Variants in SPDYE3 observed in about 807,000 individuals in gnomAD.
The protein encoded by SPDYE3 is speedy/RINGO cell cycle regulator family member E3.
A neutral mutation model predicts 55.0 loss-of-function variants in SPDYE3; 15 were observed. The ratio of observed to expected loss-of-function variants is 0.27; its 90% CI spans 0.18 to 0.42. The LOEUF is 0.42. Ranked by LOEUF, SPDYE3 falls within the 10% of genes least tolerant of loss-of-function variation. The probability of loss-of-function intolerance (pLI) is 1.00; values close to 1 mark genes in which losing one functional copy is unlikely to be tolerated. For synonymous variants in SPDYE3, 89 were observed against 229.9 expected, an observed-to-expected ratio of 0.39 and a Z score of 5.55; for missense variants, 236 against 576.7, an observed-to-expected ratio of 0.41 and a Z score of 6.05.
rs764823323 is a variant in SPDYE3 at position 100,307,958 on chromosome 7, G to T, written c.73G>T (p.Glu25Ter). The T allele has an allele frequency of 6.4e-7, 1 of 1,566,764 alleles. No homozygotes were observed. The highest frequency in any genetic ancestry group is 1.2e-5 in the South Asian group (1 of 86,702). The change falls in exon 1 of 11, where the codon GAG (glutamate) becomes TAG (stop). Residue 25 changes from glutamate (E) to a stop codon, truncating the protein, a stop_gained. Coordinates refer to ENST00000332397, the MANE Select transcript of SPDYE3 (RefSeq NM_001004351.5). LOFTEE classifies it high-confidence loss of function. The stretch of plus-strand genomic sequence containing the variant: ...GAGCACCTCAGGGTACCCCCTCCAG[G>T]AGGTGGTGGATGATGAAGTGTCGGG... ...QRSTSGYPLQ[E>*]VVDDEVSGPS... is the part of the protein sequence containing the mutation.
chr7:100,312,466 C>T (rs1805985346), intron 4 of SPDYE3, among the ~76,000 whole-genome samples: 2 of 122,052 alleles, frequency 1.6e-5, no homozygotes, highest in Admixed American at 8.2e-5. Flanking sequence ...TACTGCACTC[C>T]AGTCTGGGTG....
In SPDYE3 at chr7:100,307,876, G is replaced by A; in HGVS notation, c.-10G>A. ...GCTTCGGTGAGATTGGACAGATTTTGGGAAAGATCATGACGAGCCATCAAC... is the reference window on the plus strand; with the variant it reads ...GCTTCGGTGAGATTGGACAGATTTTAGGAAAGATCATGACGAGCCATCAAC... On this transcript the variant is annotated 5_prime_UTR_variant, in exon 1 of 11. Transcript: ENST00000332397. 3.2e-6 allele frequency: 5 copies of A among 1,575,738 alleles called. No individual in the cohort carries two copies. The highest frequency in any genetic ancestry group is 1.3e-5 in the African/African-American group (1 of 74,520).
In SPDYE3 at chr7:100,321,542, T is replaced by C. The variant is rs568011678; in HGVS notation, c.*697T>C. The C allele has an allele frequency of 6.2e-6, 1 of 160,356 alleles. No homozygotes were observed. Among genetic ancestry groups the C allele is most frequent in the East Asian group, 1.9e-4 (1 of 5,264 alleles). The allele number at this position is 160,356 out of a possible 1,614,324, so 9.9% of individuals were successfully genotyped here. ...AAATCTTTTATTATCTTTAAATTTT[T>C]CTCTGTATTATTATATGTGCTCCTG... On this transcript the variant is annotated 3_prime_UTR_variant, in exon 11 of 11. Transcript: ENST00000332397.
At chr7:100,317,940 CACTCCAGCCTGGGCGA>C (rs1034845628) in intron 8 of SPDYE3, among the ~76,000 whole-genome samples, 3 of 142,038 alleles carry the variant, frequency 2.1e-5, no homozygotes, top group African/African-American at 8.0e-5. Flanking sequence ...TGCACCACTG[CACTCCAGCCTGGGCGA>C]CAGAATGAGA....
chr7:100,316,075 G>A (rs1023140967), intron 7 of SPDYE3, among the ~76,000 whole-genome samples: 6 of 152,044 alleles, frequency 3.9e-5, no homozygotes, highest in African/African-American at 9.7e-5. Flanking sequence ...GGGTTCAAGC[G>A]ATTCTCCTGC....
chr7:100,317,214 G>A (rs1374464433), intron 8 of SPDYE3, 59 bp downstream of exon 8: 12 of 1,572,636 alleles, frequency 7.6e-6, no homozygotes, highest in Non-Finnish European at 1.0e-5. Flanking sequence ...AGCGGGGGAA[G>A]TGGGATTCCA....
chr7:100,308,667 C>T (rs1247681740), intron 1 of SPDYE3, among the ~76,000 whole-genome samples: 1 of 151,456 alleles, frequency 6.6e-6, no homozygotes, highest in Non-Finnish European at 1.5e-5. Flanking sequence ...TGAGATTGTA[C>T]CACTACACTC....
In SPDYE3 at chr7:100,321,287, T is replaced by C. The variant is rs1421456258; in HGVS notation, c.*442T>C. The C allele has an allele frequency of 5.6e-6, 2 of 354,864 alleles. No individual in the cohort carries two copies. The highest frequency in any genetic ancestry group is 7.7e-5 in the Admixed American group (2 of 25,982). The allele number at this position is 354,864 out of a possible 1,614,324, so 22.0% of individuals were successfully genotyped here. ...TTGGCACAGAATTCTTTGTGAAATA[T>C]GAGTGCCACAGACTGTAACAGATAG... On this transcript the variant is annotated 3_prime_UTR_variant, in exon 11 of 11. Transcript: ENST00000332397.
Position 100,321,747 on chromosome 7 carries a change from A to C in SPDYE3, c.*902A>C, listed in dbSNP as rs1464956837. 1 of 150,230 alleles carries C rather than the reference A, an allele frequency of 6.7e-6. No homozygotes were observed. The highest frequency in any genetic ancestry group is 1.5e-5 in the Non-Finnish European group (1 of 67,606). The allele number at this position is 150,230 out of a possible 1,614,324, so 9.3% of individuals were successfully genotyped here. On this transcript the variant is annotated 3_prime_UTR_variant, in exon 11 of 11. Coordinates refer to ENST00000332397, the MANE Select transcript of SPDYE3 (RefSeq NM_001004351.5). ...TTAGATATATATACTAACATGTCTAATATATACTATCTATTTTATTGATTT... is the reference window on the plus strand; with the variant it reads ...TTAGATATATATACTAACATGTCTACTATATACTATCTATTTTATTGATTT...
chr7:100,317,301 T>A, intron 8 of SPDYE3, 146 bp downstream of exon 8: 5 of 1,506,306 alleles, frequency 3.3e-6, no homozygotes, highest in Non-Finnish European at 4.6e-6. Context: ...TATCTTAGAC[T>A]GTTGTCTCTA....
intron 1 of SPDYE3, 29 bp downstream of exon 1, chr7:100,308,020 C>A: frequency 6.5e-7 from 1 of 1,530,762 alleles, no homozygotes; most frequent in Non-Finnish European, 8.7e-7. Flanking sequence ...GAAGAGGTGG[C>A]ATAGGATTGA....
chr7:100,320,498 G>A (rs997859947), intron 10 of SPDYE3: 48 of 974,976 alleles, frequency 4.9e-5, no homozygotes, highest in Middle Eastern at 4.6e-4. Context: ...TTCTGGACTC[G>A]TGGTTTGTGA....
intron 1 of SPDYE3, among the ~76,000 whole-genome samples, chr7:100,308,685 G>T (rs1253502539): frequency 6.6e-6 from 1 of 151,624 alleles, no homozygotes; most frequent in Non-Finnish European, 1.5e-5. Context: ...CTCCAGCCTG[G>T]GTGACAAAGC....
intron 6 of SPDYE3, among the ~76,000 whole-genome samples, chr7:100,315,103 G>A (rs1380070553): frequency 6.6e-6 from 1 of 151,180 alleles, no homozygotes; most frequent in Non-Finnish European, 1.5e-5. Context: ...GGGTGACAGA[G>A]CAAAACTCTG....
Position 100,307,756 on chromosome 7 carries a change from T to G in SPDYE3, c.-130T>G. 1 of 1,414,296 alleles carries G rather than the reference T, an allele frequency of 7.1e-7. No homozygotes were observed. The highest frequency in any genetic ancestry group is 1.4e-5 in the African/African-American group (1 of 69,792). The allele number at this position is 1,414,296 out of a possible 1,614,324, so 87.6% of individuals were successfully genotyped here. A position where few individuals can be genotyped will look rare whatever the true frequency, so the allele number is the denominator to read the frequency against. On this transcript the variant is annotated 5_prime_UTR_variant, in exon 1 of 11. Coordinates refer to ENST00000332397, the MANE Select transcript of SPDYE3 (RefSeq NM_001004351.5). ...CAACAGTAACTTCTCAGAGCTGTTCTCCACTCCTGACTTCTCCCAGCCTCG... is the reference window on the plus strand; with the variant it reads ...CAACAGTAACTTCTCAGAGCTGTTCGCCACTCCTGACTTCTCCCAGCCTCG...
In SPDYE3 at chr7:100,315,863, A is replaced by G; in HGVS notation, c.1260+20A>G. On this transcript the variant is annotated intron_variant, in intron 7 of 10. Coordinates refer to ENST00000332397, the MANE Select transcript of SPDYE3 (RefSeq NM_001004351.5). ...GACAAGGTAAGGTTGTTCTCTATGT[A>G]ACTGTGTTCCTGTTCTAACGCACGG... 2 of 1,599,688 alleles carry G rather than the reference A, an allele frequency of 1.3e-6. No homozygotes were observed. The highest frequency in any genetic ancestry group is 1.7e-6 in the Non-Finnish European group (2 of 1,179,676).
chr7:100,316,676 C>T (rs1395677601), intron 7 of SPDYE3, among the ~76,000 whole-genome samples: 1 of 152,156 alleles, frequency 6.6e-6, no homozygotes, highest in East Asian at 1.9e-4. Context: ...CTGCCTCTCC[C>T]ATGGGTCCTT....
chr7:100,312,489 G>A lies in SPDYE3; in HGVS notation c.763+521G>A, dbSNP rs1334258233. Among the ~76,000 whole-genome samples, 2 of 108,634 alleles carry A rather than the reference G, an allele frequency of 1.8e-5. 1 individual carries two copies. Among genetic ancestry groups the A allele is most frequent in the Non-Finnish European group, 3.8e-5 (2 of 52,398 alleles). 71.3% of individuals were successfully genotyped at this position (108,634 alleles called of 152,430 possible). A position where few individuals can be genotyped will look rare whatever the true frequency, so the allele number is the denominator to read the frequency against. Reference sequence around the variant, plus strand: ...TCCAGTCTGGGTGAGAGAGTGAGACGCTGTCTCAAAAAAAAAAAAAAAAAA... The same window carrying A: ...TCCAGTCTGGGTGAGAGAGTGAGACACTGTCTCAAAAAAAAAAAAAAAAAA... On this transcript the variant is annotated intron_variant, in intron 4 of 10. Coordinates refer to ENST00000332397, the MANE Select transcript of SPDYE3 (RefSeq NM_001004351.5).
intron 8 of SPDYE3, among the ~76,000 whole-genome samples, chr7:100,317,895 G>A (rs1806144939): frequency 1.4e-5 from 2 of 144,394 alleles, no homozygotes; most frequent in Admixed American, 1.4e-4. Context: ...AGAATGGCGT[G>A]AACCTGGGAG....
Sources: gnomAD v4.1 joint callset for allele counts (sites outside exome capture counted in the v4.1 genomes callset) on GRCh38, gnomAD v4.1.1 for gene constraint, MANE v1.5 for transcripts, NCBI Gene and HGNC (gene_info 2026-07-23, HGNC 2026-07-21) for gene names.